NRF1: variants seen among roughly 807,000 people sequenced by gnomAD.
NRF1 encodes alpha palindromic-binding protein.
A neutral mutation model predicts 58.5 loss-of-function variants in NRF1; 5 were observed. The observed-to-expected ratio is 0.09, with a 90% CI of 0.04 to 0.18. The LOEUF is 0.18. NRF1 is among the 10% of genes least tolerant of loss of function. NRF1 has a pLI of 1.00. For synonymous variants in NRF1, 224 were observed against 246.7 expected, an observed-to-expected ratio of 0.91 and a Z score of 0.86; for missense variants, 288 against 657.7, an observed-to-expected ratio of 0.44 and a Z score of 6.15.
intron 10 of NRF1, among the ~76,000 whole-genome samples, chr7:129,738,922 G>A (rs1803784503): frequency 6.6e-6 from 1 of 152,120 alleles, no homozygotes; most frequent in Non-Finnish European, 1.5e-5. Context: ...AGCCTACCTA[G>A]GAAGTAAAGA....
intron 6 of NRF1, among the ~76,000 whole-genome samples, chr7:129,710,142 T>C (rs1246242135): frequency 3.9e-5 from 6 of 152,198 alleles, no homozygotes; most frequent in Non-Finnish European, 5.9e-5. Context: ...CAGGTTGGAA[T>C]AGGGTGTAAA....
chr7:129,755,697 C>G lies in NRF1; in HGVS notation c.*516C>G, dbSNP rs1332833495. 6.6e-6 allele frequency: 1 copy of G among 152,652 alleles called. No homozygotes were observed. The allele number at this position is 152,652 out of a possible 1,614,324, so 9.5% of individuals were successfully genotyped here. On this transcript the variant is annotated 3_prime_UTR_variant, in exon 11 of 11. Transcript: ENST00000393232. This position sits in a 1 kb window ranked among gnomAD's most constrained non-coding sequence, Gnocchi z 5.8. The stretch of plus-strand genomic sequence containing the variant: ...AGTTTTTGTTCATACCAGGGTCATG[C>G]GTTGAGCTACTGACAAACTCAGGCG...
intron 10 of NRF1, among the ~76,000 whole-genome samples, chr7:129,736,575 A>G (rs936839939): frequency 4.6e-5 from 7 of 152,008 alleles, no homozygotes; most frequent in African/African-American, 7.2e-5. Flanking sequence ...CCTGGGGTCT[A>G]TGGACCCTGA....
intron 5 of NRF1, among the ~76,000 whole-genome samples, chr7:129,700,162 A>G (rs1802788144): frequency 6.6e-6 from 1 of 152,104 alleles, no homozygotes; most frequent in African/African-American, 2.4e-5. Flanking sequence ...AGTCCTAGAA[A>G]TAATTATGAT....
chr7:129,688,058 G>T (rs1438020741), intron 4 of NRF1, among the ~76,000 whole-genome samples: 1 of 152,184 alleles, frequency 6.6e-6, no homozygotes, highest in African/African-American at 2.4e-5. Flanking sequence ...GGCTAATAAA[G>T]AAGTAGTAAC....
chr7:129,649,644 C>T (rs767462900), intron 1 of NRF1, among the ~76,000 whole-genome samples: 32 of 152,266 alleles, frequency 2.1e-4, no homozygotes, highest in Non-Finnish European at 3.7e-4. Flanking sequence ...TGTTTTCTTC[C>T]ACTAACCCAC....
At chr7:129,694,791 T>G (rs1285555052) in intron 5 of NRF1, among the ~76,000 whole-genome samples, 2 of 152,236 alleles carry the variant, frequency 1.3e-5, no homozygotes, top group Non-Finnish European at 2.9e-5. Flanking sequence ...TAATACACTG[T>G]TAGTGAGAAT....
intron 10 of NRF1, among the ~76,000 whole-genome samples, chr7:129,747,945 A>T (rs985314317): frequency 1.3e-5 from 2 of 152,192 alleles, no homozygotes; most frequent in African/African-American, 4.8e-5. Context: ...ATATTCAATT[A>T]TTGAGCACCT....
chr7:129,684,621 T>C (rs781574272), intron 4 of NRF1, among the ~76,000 whole-genome samples: 1 of 152,224 alleles, frequency 6.6e-6, no homozygotes, highest in Non-Finnish European at 1.5e-5. Flanking sequence ...CCTAGTCTTA[T>C]TATAGTCATT....
At chr7:129,683,288 A>AGT (rs35691853) in intron 4 of NRF1, among the ~76,000 whole-genome samples, 3,550 of 140,252 alleles carry the variant, frequency 0.025, 47 homozygotes, top group Middle Eastern at 0.047. Flanking sequence ...TCATGTGGAG[A>AGT]GTGTGTGTGT....
chr7:129,752,341 T>C (rs1183159000), intron 10 of NRF1, among the ~76,000 whole-genome samples: 1 of 141,892 alleles, frequency 7.0e-6, no homozygotes, highest in Non-Finnish European at 1.5e-5. Flanking sequence ...GTGTGGCTGA[T>C]AGATTGGGGG....
Position 129,755,199 on chromosome 7 carries a change from G to A in NRF1, c.*18G>A. On this transcript the variant is annotated 3_prime_UTR_variant, in exon 11 of 11. Transcript: ENST00000393232. The surrounding 1 kb of genome is among the most constrained non-coding windows in gnomAD (Gnocchi z 5.8). ...AACAGTGACATACAGCCATATTATG[G>A]CATCGTTTTCTAGTCTACTTCAAAA... 1.3e-6 allele frequency: 2 copies of A among 1,558,180 alleles called. No homozygotes were observed. The highest frequency in any genetic ancestry group is 1.7e-6 in the Non-Finnish European group (2 of 1,152,062).
At position 129,756,462 on chromosome 7, in the gene NRF1, C is replaced by T. The variant is rs1489110695; in HGVS notation, c.*1281C>T. Reference sequence around the variant, plus strand: ...AGGCCCATGTTCCTTGATGCAACCTCGTGGCCCAGGCCGGGAGCAGCTTGC... The same window carrying T: ...AGGCCCATGTTCCTTGATGCAACCTTGTGGCCCAGGCCGGGAGCAGCTTGC... On this transcript the variant is annotated 3_prime_UTR_variant, in exon 11 of 11. Coordinates refer to ENST00000393232, the MANE Select transcript of NRF1 (RefSeq NM_005011.5). 1 of 152,608 alleles carries T rather than the reference C, an allele frequency of 6.6e-6. No homozygotes were observed. The highest frequency in any genetic ancestry group is 2.4e-5 in the African/African-American group (1 of 41,580). 9.5% of individuals were successfully genotyped at this position (152,608 alleles called of 1,614,324 possible).
At chr7:129,634,071 C>A (rs867964188) in intron 1 of NRF1, among the ~76,000 whole-genome samples, 1 of 144,182 alleles carries the variant, frequency 6.9e-6, no homozygotes, top group Non-Finnish European at 1.5e-5. Flanking sequence ...TACACACACA[C>A]ACACACACAC....
rs544242560 is a variant in NRF1, at chr7:129,663,345, G to A, written c.223+5771G>A. 5.3e-4 allele frequency among the ~76,000 whole-genome samples: 81 copies of A among 151,594 alleles called. 1 individual carries two copies. Among genetic ancestry groups the A allele is most frequent in the Admixed American group, 4.4e-3 (67 of 15,248 alleles). ...TCCCCACTTCCCAGACGGGGTGGCC[G>A]GGCAGAGGCGCACCTCACTTCCCAG... On this transcript the variant is annotated intron_variant, in intron 2 of 10. Transcript: ENST00000393232.
rs1804217742 is a variant in NRF1 at position 129,754,956 on chromosome 7, C to T, written c.1349-62C>T. Reference sequence around the variant, plus strand: ...AAAGGCAAGACTTGGGTGCCCCCGTCCAGCCAGCATCTGGGAACTTGAGCC... The same window carrying T: ...AAAGGCAAGACTTGGGTGCCCCCGTTCAGCCAGCATCTGGGAACTTGAGCC... On this transcript the variant is annotated intron_variant, in intron 10 of 10. Transcript: ENST00000393232. The T allele has an allele frequency of 2.1e-5, 31 of 1,473,128 alleles. 1 individual carries two copies. The South Asian group carries it at 4.3e-4, about 20-fold the overall frequency. 91.3% of individuals were successfully genotyped at this position (1,473,128 alleles called of 1,614,324 possible). A position where few individuals can be genotyped will look rare whatever the true frequency, so the allele number is the denominator to read the frequency against.
rs753791898 is a variant in NRF1, at chr7:129,657,549, G to C, written c.198G>C (p.Glu66Asp). 6.2e-7 allele frequency: 1 copy of C among 1,613,114 alleles called. No individual in the cohort carries two copies. Among genetic ancestry groups the C allele is most frequent in the South Asian group, 1.1e-5 (1 of 91,056 alleles). ...TACTCAACTCCACAGCAGCTGATGA[G>C]GTGACAGCTCATCTGGCAGCTGCAG... ...SDILNSTAAD[E>D]VTAHLAAAGP... The change falls in exon 2 of 11, where the codon GAG (glutamate) becomes GAC (aspartate). Residue 66 changes from glutamate to aspartate, a missense_variant. Physicochemically the swap from Glu to Asp is conservative, Grantham distance 45. Transcript: ENST00000393232.
intron 1 of NRF1, 111 bp downstream of exon 1, chr7:129,611,935 C>A (rs1385429198): frequency 6.7e-6 from 1 of 148,572 alleles, no homozygotes; most frequent in South Asian, 2.1e-4. Flanking sequence ...CTGCCGCCCC[C>A]GGCTCTGGGC....
intron 5 of NRF1, 141 bp downstream of exon 5, chr7:129,690,687 G>A: frequency 1.2e-6 from 1 of 855,698 alleles, no homozygotes; most frequent in South Asian, 1.9e-5. Context: ...TGAAACAGTA[G>A]CAGCCTTGGA....
Sources: gnomAD v4.1 joint callset for allele counts (sites outside exome capture counted in the v4.1 genomes callset) on GRCh38, gnomAD v4.1.1 for gene constraint, Gnocchi (gnomAD v3.1) non-coding constraint, MANE v1.5 for transcripts, NCBI Gene and HGNC (gene_info 2026-07-23, HGNC 2026-07-21) for gene names.